Variants in ASIC2 observed in about 807,000 individuals in gnomAD.
ASIC2 encodes acid-sensing ion channel 2.
ASIC2 carries 25 observed loss-of-function variants against 57.3 expected under a neutral mutation model. The ratio of observed to expected loss-of-function variants is 0.44; its 90% CI spans 0.32 to 0.61. The LOEUF (loss-of-function observed/expected upper bound fraction) is 0.61. Ranked by LOEUF, ASIC2 falls within the 20% of genes least tolerant of loss-of-function variation. The pLI, the probability that ASIC2 is intolerant of heterozygous loss-of-function variation, is 0.06. For missense variants in ASIC2, 641 were observed against 738.1 expected (o/e 0.87, Z 1.52); for synonymous variants, 319 against 307.5 (o/e 1.04, Z -0.39).
chr17:33,962,291 G>T (rs535022246), intron 1 of ASIC2, among the ~76,000 whole-genome samples: 6 of 152,308 alleles, frequency 3.9e-5, no homozygotes, highest in Admixed American at 2.0e-4. Context: ...GGCCAGCTGA[G>T]GCAGGGGTGT....
chr17:33,028,370 C>T lies in ASIC2; in HGVS notation c.1010G>A (p.Trp337Ter). The change falls in exon 4 of 10, where the codon TGG (tryptophan) becomes TAG (stop). Residue 337 changes from tryptophan to a stop codon, truncating the protein, a stop_gained. Coordinates refer to ENST00000225823, the MANE Select transcript of ASIC2 (RefSeq NM_183377.2). LOFTEE classifies it high-confidence loss of function. ...CATCTCTGAGGATCGGCACTCACCC[C>T]ACGGTGGGGGCAGGTATGTGAGCTG... ...EQRLTYLPPP[W>*]GECRSSEMGL... 1 of 1,614,130 alleles carries T rather than the reference C, an allele frequency of 6.2e-7. No homozygotes were observed. The highest frequency in any genetic ancestry group is 2.2e-5 in the East Asian group (1 of 44,892).
intron 1 of ASIC2, among the ~76,000 whole-genome samples, chr17:33,697,120 C>T (rs1252262600): frequency 6.6e-6 from 1 of 152,148 alleles, no homozygotes; most frequent in African/African-American, 2.4e-5. Context: ...GTACCTGCAC[C>T]CCCTTTGCCT....
intron 1 of ASIC2, among the ~76,000 whole-genome samples, chr17:33,620,614 G>T (rs1398420789): frequency 6.6e-6 from 1 of 152,138 alleles, no homozygotes; most frequent in Non-Finnish European, 1.5e-5. Context: ...CCATTTTTCT[G>T]TAGAGAGATT....
intron 1 of ASIC2, among the ~76,000 whole-genome samples, chr17:33,242,922 G>T (rs1908563411): frequency 6.6e-6 from 1 of 152,266 alleles, no homozygotes; most frequent in East Asian, 1.9e-4. Context: ...TTACCTGCAA[G>T]CCACACCCTC....
intron 1 of ASIC2, among the ~76,000 whole-genome samples, chr17:33,438,912 G>A (rs910713171): frequency 6.7e-6 from 1 of 148,212 alleles, no homozygotes; most frequent in Non-Finnish European, 1.5e-5. Context: ...GCACAATCAT[G>A]GCTCCCTGCA....
At chr17:33,905,457 C>T (rs1488292354) in intron 1 of ASIC2, among the ~76,000 whole-genome samples, 1 of 152,206 alleles carries the variant, frequency 6.6e-6, no homozygotes, top group African/African-American at 2.4e-5. Context: ...GTAATGTCTT[C>T]CCTTGCATCA....
At chr17:33,660,660 G>A (rs1424104487) in intron 1 of ASIC2, among the ~76,000 whole-genome samples, 1 of 152,162 alleles carries the variant, frequency 6.6e-6, no homozygotes, top group Non-Finnish European at 1.5e-5. Context: ...CTGACTGGCA[G>A]CATGGTAGGT....
At chr17:33,597,017 A>C (rs918638594) in intron 1 of ASIC2, among the ~76,000 whole-genome samples, 9 of 152,256 alleles carry the variant, frequency 5.9e-5, no homozygotes, top group Admixed American at 1.3e-4. Flanking sequence ...TTGTCAGATG[A>C]GAGAATTCTG....
chr17:33,893,530 G>C (rs1334072333), intron 1 of ASIC2, among the ~76,000 whole-genome samples: 3 of 152,180 alleles, frequency 2.0e-5, no homozygotes, highest in Non-Finnish European at 4.4e-5. Flanking sequence ...ATTTTGAGAA[G>C]GTTTCTGAAG....
intron 1 of ASIC2, among the ~76,000 whole-genome samples, chr17:33,525,044 C>T (rs1162583650): frequency 1.3e-5 from 2 of 152,170 alleles, no homozygotes; most frequent in East Asian, 3.9e-4. Flanking sequence ...GAATCCCAGT[C>T]TCTTCTGTTC....
chr17:33,204,148 C>T (rs1418173125), intron 1 of ASIC2, among the ~76,000 whole-genome samples: 3 of 152,220 alleles, frequency 2.0e-5, no homozygotes, highest in Admixed American at 6.5e-5. Context: ...TCATGTTTTC[C>T]CTCACCAATG....
At chr17:34,110,779 C>T (rs1036117172) in intron 1 of ASIC2, among the ~76,000 whole-genome samples, 1 of 152,176 alleles carries the variant, frequency 6.6e-6, no homozygotes, top group South Asian at 2.1e-4. Context: ...TTTGATTAGT[C>T]AGATATGGCT....
chr17:33,812,740 A>C (rs1912461760), intron 1 of ASIC2, among the ~76,000 whole-genome samples: 1 of 152,084 alleles, frequency 6.6e-6, no homozygotes, highest in African/African-American at 2.4e-5. Flanking sequence ...TATAATGTAG[A>C]TGGTGAAATT....
chr17:34,053,116 A>G (rs1244633457), intron 1 of ASIC2, among the ~76,000 whole-genome samples: 1 of 151,896 alleles, frequency 6.6e-6, no homozygotes, highest in Non-Finnish European at 1.5e-5. Context: ...TCATGTTCCA[A>G]CCACTGATCA....
chr17:33,353,507 T>C (rs1908261992), intron 1 of ASIC2, among the ~76,000 whole-genome samples: 1 of 152,156 alleles, frequency 6.6e-6, no homozygotes, highest in Non-Finnish European at 1.5e-5. Context: ...CTAATATATA[T>C]ATTTTTAATT....
At chr17:33,899,297 A>T (rs1915181027) in intron 1 of ASIC2, among the ~76,000 whole-genome samples, 1 of 152,170 alleles carries the variant, frequency 6.6e-6, no homozygotes, top group South Asian at 2.1e-4. Flanking sequence ...AGATGGGGGT[A>T]GTGAAGCTGA....
intron 1 of ASIC2, among the ~76,000 whole-genome samples, chr17:33,510,122 G>T (rs1399982631): frequency 1.3e-5 from 2 of 152,168 alleles, no homozygotes; most frequent in Non-Finnish European, 2.9e-5. Flanking sequence ...TGTGTGACCT[G>T]GAGTTTTCCA....
In ASIC2 at chr17:33,391,919, T is replaced by C. The variant is rs55975605; in HGVS notation, c.556-279852A>G. On this transcript the variant is annotated intron_variant, in intron 1 of 9. Coordinates refer to the ASIC2 transcript ENST00000359872. ...GGCTTAGAGAGGTTAAAGTGACTTG[T>C]AGGATATCCTATAACTTACAACTGA... Among the ~76,000 whole-genome samples the C allele has an allele frequency of 3.0e-3, 460 of 152,352 alleles. 4 individuals are homozygous for C. Among genetic ancestry groups the C allele is most frequent in the African/African-American group, 0.01 (430 of 41,588 alleles).
intron 1 of ASIC2, among the ~76,000 whole-genome samples, chr17:34,139,252 C>T (rs1261559337): frequency 1.3e-5 from 2 of 152,220 alleles, no homozygotes; most frequent in African/African-American, 4.8e-5. Flanking sequence ...GAAAGAAATT[C>T]TCAGTTTGGA....
Sources: allele counts gnomAD v4.1 joint callset (sites outside exome capture counted in the v4.1 genomes callset), GRCh38; gene constraint gnomAD v4.1.1; transcripts MANE v1.5; gene names NCBI Gene and HGNC (gene_info 2026-07-23, HGNC 2026-07-21).